PLA2G4D: variants seen among roughly 807,000 people sequenced by gnomAD.
The protein encoded by PLA2G4D is phospholipase A2 group IVD, also known as cytosolic phospholipase A2 delta.
PLA2G4D carries 80 observed loss-of-function variants against 94.4 expected under a neutral mutation model. That is an observed-to-expected ratio of 0.85 (90% CI 0.71 to 1.02). The LOEUF (loss-of-function observed/expected upper bound fraction) is 1.02, where lower values mean the gene tolerates loss of function less well. Ranked by LOEUF, PLA2G4D falls within the 50% of genes least tolerant of loss-of-function variation. The probability of loss-of-function intolerance (pLI) is 0.00; values close to 1 mark genes in which losing one functional copy is unlikely to be tolerated. For synonymous variants in PLA2G4D, 438 were observed against 440.9 expected, an observed-to-expected ratio of 0.99 and a Z score of 0.08; for missense variants, 1,050 against 1,034.7, an observed-to-expected ratio of 1.01 and a Z score of -0.20.
At chr15:42,076,702 A>C (rs1046665641) in intron 13 of PLA2G4D, among the ~76,000 whole-genome samples, 3 of 152,238 alleles carry the variant, frequency 2.0e-5, no homozygotes, top group Non-Finnish European at 4.4e-5. Context: ...CAAAACTTTA[A>C]AAGTCTGCCC....
chr15:42,081,433 G>A, intron 11 of PLA2G4D, 46 bp downstream of exon 11: 1 of 1,593,898 alleles, frequency 6.3e-7, no homozygotes, highest in Non-Finnish European at 8.5e-7. Context: ...ACTCCCTTAT[G>A]GCCCGTCCAG....
chr15:42,079,529 C>A lies in PLA2G4D; in HGVS notation c.1317+8G>T. The A allele has an allele frequency of 6.3e-7, 1 of 1,587,988 alleles. No individual in the cohort carries two copies. The highest frequency in any genetic ancestry group is 8.5e-7 in the Non-Finnish European group (1 of 1,172,104). On this transcript the variant is annotated splice_region_variant and intron_variant, in intron 13 of 19. Transcript: ENST00000290472. ...CACGCGTCTCCCCCACGTGCGCAGG[C>A]GCCCTACCTGGCCGTGCAGCATGGA...
In PLA2G4D at chr15:42,081,071, G is replaced by A. The variant is rs746959541; in HGVS notation, c.1020C>T (p.Gly340=). Reference sequence around the variant, plus strand: ...CCAGCTTCTGCAAGGCCAATAGGTGGCCGTAGAGTGAGGTCATGGCCCGGG... The same window carrying A: ...CCAGCTTCTGCAAGGCCAATAGGTGACCGTAGAGTGAGGTCATGGCCCGGG... ...GGARAMTSLY[G]HLLALQKLGL... Residue 340 remains glycine, a synonymous_variant, in exon 12 of 20, where the codon GGC becomes GGT. Transcript: ENST00000290472. 3 of 1,614,172 alleles carry A rather than the reference G, an allele frequency of 1.9e-6. No individual in the cohort carries two copies. The highest frequency in any genetic ancestry group is 2.5e-6 in the Non-Finnish European group (3 of 1,180,020).
In PLA2G4D at chr15:42,085,189, G is replaced by A. The variant is rs187326785; in HGVS notation, c.429-51C>T. The A allele has an allele frequency of 7.5e-5, 121 of 1,606,844 alleles. 1 individual carries two copies. The African/African-American group carries it at 8.5e-4, about 11-fold the overall frequency. ...CAAACGCTTCCTGCATTGACCTCCCGCTCCCGCCCATGTGGGGTCTCCCTG... is the reference window on the plus strand; with the variant it reads ...CAAACGCTTCCTGCATTGACCTCCCACTCCCGCCCATGTGGGGTCTCCCTG... On this transcript the variant is annotated intron_variant, in intron 5 of 19. Coordinates refer to ENST00000290472, the MANE Select transcript of PLA2G4D (RefSeq NM_178034.4).
At chr15:42,087,479 A>G (rs951846034) in intron 2 of PLA2G4D, 43 bp from the exon 3 acceptor site, 8 of 1,612,508 alleles carry the variant, frequency 5.0e-6, no homozygotes, top group Admixed American at 1.7e-5. Flanking sequence ...TACTCCCCAC[A>G]CCCCTCTCCA....
chr15:42,094,389 C>A, intron 1 of PLA2G4D, 26 bp downstream of exon 1: 1 of 1,613,584 alleles, frequency 6.2e-7, no homozygotes, highest in Non-Finnish European at 8.5e-7. Context: ...CTGACTGGTG[C>A]CCACATGCTC....
rs1044906631 is a variant in PLA2G4D at position 42,087,566 on chromosome 15, G to A, written c.118+62C>T. On this transcript the variant is annotated intron_variant, in intron 2 of 19. Transcript: ENST00000290472. ...AGCCCAGCCCCAGGGCACTCGTCTT[G>A]GCCCTTCCTATGGGATCTGGTCCTC... 5.0e-6 allele frequency: 8 copies of A among 1,609,062 alleles called. No homozygotes were observed. The African/African-American group carries it at 1.1e-4, about 22-fold the overall frequency.
At chr15:42,081,384 C>A in intron 11 of PLA2G4D, 95 bp downstream of exon 11, 1 of 1,537,736 alleles carries the variant, frequency 6.5e-7, no homozygotes, top group African/African-American at 1.4e-5. Context: ...TGCCCACTCT[C>A]CACTGACTGG....
chr15:42,076,396 A>G (rs1020629544), intron 13 of PLA2G4D, among the ~76,000 whole-genome samples: 4 of 152,200 alleles, frequency 2.6e-5, no homozygotes, highest in Admixed American at 2.6e-4. Context: ...GGGGGAGTGA[A>G]AAGGAAGACT....
At chr15:42,085,024 C>T in intron 6 of PLA2G4D, 72 bp downstream of exon 6, 1 of 1,547,622 alleles carries the variant, frequency 6.5e-7, no homozygotes, top group Non-Finnish European at 8.9e-7. Flanking sequence ...TGGTCCACAC[C>T]CCAGGCAGCT....
intron 13 of PLA2G4D, among the ~76,000 whole-genome samples, chr15:42,077,545 A>C (rs542329973): frequency 6.6e-6 from 1 of 152,328 alleles, no homozygotes; most frequent in East Asian, 1.9e-4. Flanking sequence ...CTCTCCTAGG[A>C]CCTTTGTTAG....
rs867480812 is a variant in PLA2G4D, at chr15:42,092,739, A to C, written c.45+1676T>G. ...CTGGGCCATCCTTCTTCCGGTGGAG[A>C]GGCCCAGGGCACACGTTTGCCAGGA... On this transcript the variant is annotated intron_variant, in intron 1 of 19. Coordinates refer to ENST00000290472, the MANE Select transcript of PLA2G4D (RefSeq NM_178034.4). Among the ~76,000 whole-genome samples, 46 of 152,224 alleles carry C rather than the reference A, an allele frequency of 3.0e-4. 1 individual carries two copies. The highest frequency in any genetic ancestry group is 1.1e-3 in the African/African-American group (44 of 41,544).
At chr15:42,080,147 A>G (rs1027907124) in intron 12 of PLA2G4D, among the ~76,000 whole-genome samples, 3 of 152,186 alleles carry the variant, frequency 2.0e-5, no homozygotes, top group African/African-American at 4.8e-5. Context: ...ACACATCTCA[A>G]TGTGGACTGG....
At chr15:42,069,640 G>T (rs552071335) in intron 19 of PLA2G4D, among the ~76,000 whole-genome samples, 4 of 152,176 alleles carry the variant, frequency 2.6e-5, no homozygotes, top group African/African-American at 7.2e-5. Context: ...GCAGCTGGGG[G>T]TACTAGGGCA....
chr15:42,070,048 GA>G lies in PLA2G4D; in HGVS notation c.2090del (p.Phe697SerfsTer75). The G allele has an allele frequency of 6.6e-7, 1 of 1,520,768 alleles. No homozygotes were observed. Among genetic ancestry groups the G allele is most frequent in the Non-Finnish European group, 8.8e-7 (1 of 1,134,400 alleles). 94.2% of individuals were successfully genotyped at this position (1,520,768 alleles called of 1,614,324 possible). The part of the protein sequence containing the change: ...ELYCRARGLP[F>X]PRVEPSPQDQ... ...CCTGAGGGCTGGGTTCCACCCGGGG[GA>G]AGGGCAGCCCCCGGGCCCGGCAGTA... is the stretch of plus-strand genomic sequence containing the variant. On this transcript the variant is annotated frameshift_variant, in exon 19 of 20. Coordinates refer to ENST00000290472, the MANE Select transcript of PLA2G4D (RefSeq NM_178034.4). LOFTEE classifies it high-confidence loss of function.
intron 19 of PLA2G4D, among the ~76,000 whole-genome samples, chr15:42,069,174 G>A (rs537217342): frequency 2.4e-4 from 37 of 152,282 alleles, no homozygotes; most frequent in Non-Finnish European, 4.7e-4. Context: ...ACACCCCTTA[G>A]GCTATTCAGG....
intron 1 of PLA2G4D, among the ~76,000 whole-genome samples, chr15:42,094,145 G>A (rs1000364717): frequency 4.6e-5 from 7 of 152,098 alleles, no homozygotes; most frequent in Non-Finnish European, 7.4e-5. Context: ...TATGTTCTCC[G>A]ATGATGGTGG....
chr15:42,094,270 C>A (rs962715119), intron 1 of PLA2G4D, 145 bp downstream of exon 1: 12 of 877,904 alleles, frequency 1.4e-5, no homozygotes, highest in Non-Finnish European at 1.9e-5. Context: ...ACCCACCCCA[C>A]CCACTCTGCA....
chr15:42,083,998 A>G, intron 6 of PLA2G4D: 2 of 549,442 alleles, frequency 3.6e-6, no homozygotes, highest in Non-Finnish European at 6.5e-6. Context: ...CTGGCTCCAC[A>G]CCTCCCCTCC....
Sources: gnomAD v4.1 joint callset for allele counts (sites outside exome capture counted in the v4.1 genomes callset) on GRCh38, gnomAD v4.1.1 for gene constraint, MANE v1.5 for transcripts, NCBI Gene and HGNC (gene_info 2026-07-23, HGNC 2026-07-21) for gene names.